RELL1: variants seen among roughly 807,000 people sequenced by gnomAD.
RELL1 encodes RELT-like protein 1.
In RELL1, 10 loss-of-function variants were observed where a neutral mutation model predicts 23.0. The observed-to-expected ratio is 0.43, with a 90% CI of 0.27 to 0.74. The LOEUF (loss-of-function observed/expected upper bound fraction) is 0.74. Ranked by LOEUF, RELL1 falls within the 30% of genes least tolerant of loss-of-function variation. RELL1 has a pLI of 0.19. For synonymous variants in RELL1, 146 were observed against 146.8 expected, an observed-to-expected ratio of 0.99 and a Z score of 0.04; for missense variants, 315 against 364.4, an observed-to-expected ratio of 0.86 and a Z score of 1.10.
chr4:37,658,853 T>C (rs1380230881), intron 1 of RELL1, among the ~76,000 whole-genome samples: 1 of 152,344 alleles, frequency 6.6e-6, no homozygotes, highest in East Asian at 1.9e-4. Context: ...TGGATTCCAA[T>C]TAGCACAGCA....
At chr4:37,667,130 G>T (rs1398300063) in intron 1 of RELL1, among the ~76,000 whole-genome samples, 1 of 151,994 alleles carries the variant, frequency 6.6e-6, no homozygotes, top group Non-Finnish European at 1.5e-5. Flanking sequence ...CTAGACGTAG[G>T]GAAGTCAATG....
At chr4:37,609,844 A>AGAT (rs1719320719), downstream of RELL1, among the ~76,000 whole-genome samples, 1 of 152,228 alleles carries the variant, frequency 6.6e-6, no homozygotes, top group Non-Finnish European at 1.5e-5. Flanking sequence ...ATTGCTTAAC[A>AGAT]GATGATGAAA....
At chr4:37,648,224 T>C (rs1001334123) in intron 2 of RELL1, among the ~76,000 whole-genome samples, 2 of 152,214 alleles carry the variant, frequency 1.3e-5, no homozygotes, top group African/African-American at 2.4e-5. Context: ...TAAGCCAACC[T>C]ACAGAGCATC....
At position 37,612,811 on chromosome 4, in the gene RELL1, C is replaced by CACTGAGCT. The variant is rs1719451367; in HGVS notation, c.*527_*534dup. The CACTGAGCT allele has an allele frequency of 6.6e-6, 1 of 152,090 alleles. No individual in the cohort carries two copies. Among genetic ancestry groups the CACTGAGCT allele is most frequent in the Non-Finnish European group, 1.5e-5 (1 of 68,040 alleles). 9.4% of individuals were successfully genotyped at this position (152,090 alleles called of 1,614,324 possible). A position where few individuals can be genotyped will look rare whatever the true frequency, so the allele number is the denominator to read the frequency against. ...TCCTCAGGGCTAACTAGATTATTTC[C>CACTGAGCT]ACTGAGCTTTTACCACTGAAGATTC... On this transcript the variant is annotated 3_prime_UTR_variant, in exon 7 of 7. Transcript: ENST00000454158.
chr4:37,625,459 A>T (rs1395161290), intron 6 of RELL1, among the ~76,000 whole-genome samples: 2 of 152,246 alleles, frequency 1.3e-5, no homozygotes, highest in East Asian at 3.8e-4. Flanking sequence ...CAAACCATAC[A>T]TCTTATAAAT....
At chr4:37,588,949 T>C, downstream of RELL1, 1 of 1,414,224 alleles carries the variant, frequency 7.1e-7, no homozygotes, top group Non-Finnish European at 1.0e-6. Context: ...GTGATGAGCG[T>C]GGGGTCACTT....
chr4:37,660,386 C>G (rs1488978092), intron 1 of RELL1, among the ~76,000 whole-genome samples: 1 of 152,182 alleles, frequency 6.6e-6, no homozygotes, highest in Non-Finnish European at 1.5e-5. Context: ...GCTGACACTG[C>G]TGGAGATGAA....
At chr4:37,634,856 C>T (rs1181661202) in intron 5 of RELL1, 31 bp downstream of exon 5, 1 of 1,597,236 alleles carries the variant, frequency 6.3e-7, no homozygotes, top group East Asian at 2.2e-5. Context: ...CCATGTCACA[C>T]ACAAACCAAA....
chr4:37,671,386 C>T (rs573894643), intron 1 of RELL1, among the ~76,000 whole-genome samples: 2 of 152,294 alleles, frequency 1.3e-5, no homozygotes, highest in East Asian at 3.9e-4. Flanking sequence ...GCATAAGATA[C>T]AAGTCACAAA....
intron 2 of RELL1, among the ~76,000 whole-genome samples, chr4:37,647,697 C>T (rs1387447530): frequency 6.6e-6 from 1 of 152,170 alleles, no homozygotes; most frequent in African/African-American, 2.4e-5. Context: ...TTTGAAAATG[C>T]ATTTGTACCA....
intron 3 of RELL1, among the ~76,000 whole-genome samples, chr4:37,644,724 T>G (rs893679377): frequency 6.6e-6 from 1 of 152,048 alleles, no homozygotes; most frequent in African/African-American, 2.4e-5. Flanking sequence ...CCTCCCAAAG[T>G]GCTGGGATTA....
intron 1 of RELL1, among the ~76,000 whole-genome samples, chr4:37,657,558 A>G (rs894068483): frequency 1.3e-5 from 2 of 152,212 alleles, no homozygotes; most frequent in African/African-American, 4.8e-5. Flanking sequence ...ATATCTGAAT[A>G]GAAAAGGATA....
chr4:37,608,614 G>T (rs1053013304), downstream of RELL1, among the ~76,000 whole-genome samples: 3 of 151,838 alleles, frequency 2.0e-5, no homozygotes, highest in African/African-American at 7.3e-5. Context: ...TTGGAAGCCA[G>T]CAGACGTTGG....
At chr4:37,674,353 T>C (rs1379252789) in intron 1 of RELL1, among the ~76,000 whole-genome samples, 1 of 152,252 alleles carries the variant, frequency 6.6e-6, no homozygotes. Flanking sequence ...GCAATGACTA[T>C]TAAAAAGGGC....
chr4:37,592,552 A>T (rs1718672828), intron 6 of RELL1, among the ~76,000 whole-genome samples: 1 of 152,182 alleles, frequency 6.6e-6, no homozygotes, highest in African/African-American at 2.4e-5. Flanking sequence ...CAACCATTCT[A>T]ACGTAACTCA....
intron 3 of RELL1, among the ~76,000 whole-genome samples, chr4:37,642,599 T>C (rs879268001): frequency 6.6e-6 from 1 of 152,220 alleles, no homozygotes; most frequent in Non-Finnish European, 1.5e-5. Flanking sequence ...AATTTCCTGA[T>C]AGGAGTGTCT....
intron 1 of RELL1, among the ~76,000 whole-genome samples, chr4:37,674,090 T>C (rs975158083): frequency 2.6e-5 from 4 of 152,168 alleles, no homozygotes; most frequent in East Asian, 1.9e-4. Flanking sequence ...AGAAGGAAAG[T>C]CTCCCTCCCT....
chr4:37,684,977 T>C (rs1484432423), intron 1 of RELL1, among the ~76,000 whole-genome samples: 2 of 151,770 alleles, frequency 1.3e-5, no homozygotes, highest in African/African-American at 4.8e-5. Flanking sequence ...AAAAAAAAAA[T>C]TGTCCCATCC....
At chr4:37,677,212 T>C (rs1431840732) in intron 1 of RELL1, among the ~76,000 whole-genome samples, 1 of 152,230 alleles carries the variant, frequency 6.6e-6, no homozygotes, top group Non-Finnish European at 1.5e-5. Context: ...CAAGGGCATA[T>C]GTAGATCAAG....
Sources: gnomAD v4.1 joint callset for allele counts (sites outside exome capture counted in the v4.1 genomes callset) on GRCh38, gnomAD v4.1.1 for gene constraint, MANE v1.5 for transcripts, NCBI Gene and HGNC (gene_info 2026-07-23, HGNC 2026-07-21) for gene names.